The following SLC30A8 variants were observed in gnomAD, a reference collection of about 807,000 sequenced individuals.
SLC30A8 encodes solute carrier family 30 member 8, also known as proton-coupled zinc antiporter SLC30A8.
SLC30A8 carries 27 observed loss-of-function variants against 36.9 expected under a neutral mutation model. The ratio of observed to expected loss-of-function variants is 0.73; its 90% CI spans 0.54 to 1.01. The LOEUF (loss-of-function observed/expected upper bound fraction) is 1.01. Among genes scored for constraint, SLC30A8 ranks in the 50% least tolerant of loss-of-function variants. The pLI is 0.00. For synonymous variants in SLC30A8, 164 were observed against 172.4 expected (o/e 0.95, Z 0.38); for missense variants, 439 against 452.0 (o/e 0.97, Z 0.26).
At chr8:117,089,523 C>T (rs1819020672) in intron 2 of SLC30A8, among the ~76,000 whole-genome samples, 1 of 152,174 alleles carries the variant, frequency 6.6e-6, no homozygotes, top group Non-Finnish European at 1.5e-5. Context: ...TATGTTTGTA[C>T]TTTTTAATAT....
intron 1 of SLC30A8, among the ~76,000 whole-genome samples, chr8:116,996,664 A>G (rs1263870512): frequency 6.6e-6 from 1 of 152,084 alleles, no homozygotes; most frequent in Non-Finnish European, 1.5e-5. Flanking sequence ...CTTATAGGTC[A>G]TCACACATTT....
chr8:117,166,396 C>T (rs1823057444), intron 6 of SLC30A8, among the ~76,000 whole-genome samples: 1 of 152,068 alleles, frequency 6.6e-6, no homozygotes, highest in African/African-American at 2.4e-5. Flanking sequence ...TCTTACATTC[C>T]AGGAAAACAG....
intron 1 of SLC30A8, among the ~76,000 whole-genome samples, chr8:117,027,182 C>T (rs752734443): frequency 2.6e-5 from 4 of 152,040 alleles, no homozygotes; most frequent in East Asian, 1.9e-4. Context: ...ATGTGTTTGG[C>T]GACAGGGATA....
intron 2 of SLC30A8, among the ~76,000 whole-genome samples, chr8:117,094,085 G>C (rs1819254010): frequency 6.6e-6 from 1 of 152,250 alleles, no homozygotes; most frequent in Non-Finnish European, 1.5e-5. Context: ...GAGCCCCAAA[G>C]AGGGTGTCAC....
At chr8:117,130,357 C>T (rs1037506544), upstream of SLC30A8, 10 of 152,002 alleles carry the variant, frequency 6.6e-5, no homozygotes, top group Admixed American at 3.3e-4. Context: ...TCAGAGGAGA[C>T]GATGAGCTTT....
intron 2 of SLC30A8, among the ~76,000 whole-genome samples, chr8:117,114,739 C>G (rs985705637): frequency 2.0e-5 from 3 of 152,000 alleles, no homozygotes; most frequent in African/African-American, 7.2e-5. Flanking sequence ...GTTATGCTTC[C>G]CCAGCTATAA....
chr8:116,953,121 G>T (rs776915250), intron 1 of SLC30A8, among the ~76,000 whole-genome samples: 1 of 152,058 alleles, frequency 6.6e-6, no homozygotes, highest in Non-Finnish European at 1.5e-5. Flanking sequence ...GAGAACATGT[G>T]GTATTTGGTT....
At chr8:117,015,521 T>G (rs1301198859) in intron 1 of SLC30A8, among the ~76,000 whole-genome samples, 5 of 137,340 alleles carry the variant, frequency 3.6e-5, no homozygotes, top group Non-Finnish European at 7.7e-5. Flanking sequence ...AGTAATAAAT[T>G]AGATGCTATT....
At chr8:116,970,932 T>C (rs1483765625) in intron 1 of SLC30A8, among the ~76,000 whole-genome samples, 1 of 152,112 alleles carries the variant, frequency 6.6e-6, no homozygotes, top group East Asian at 1.9e-4. Flanking sequence ...CCGTCTCTAC[T>C]AAAAACACAA....
At chr8:116,992,938 G>A (rs570123783) in intron 1 of SLC30A8, among the ~76,000 whole-genome samples, 1 of 151,780 alleles carries the variant, frequency 6.6e-6, no homozygotes, top group African/African-American at 2.4e-5. Context: ...AGAATACAGA[G>A]CCTACGCAGA....
At chr8:117,124,488 AG>A (rs1669676318) in intron 2 of SLC30A8, among the ~76,000 whole-genome samples, 1 of 151,864 alleles carries the variant, frequency 6.6e-6, no homozygotes, top group African/African-American at 2.4e-5. Flanking sequence ...TTGCCACAGC[AG>A]GCAAAATCAG....
At chr8:117,065,543 A>C (rs1203759866) in intron 2 of SLC30A8, among the ~76,000 whole-genome samples, 1 of 151,984 alleles carries the variant, frequency 6.6e-6, no homozygotes, top group African/African-American at 2.4e-5. Context: ...GTGCAGTCAA[A>C]TTGCTCTGGC....
chr8:117,114,665 A>T (rs1820369720), intron 2 of SLC30A8, among the ~76,000 whole-genome samples: 1 of 152,008 alleles, frequency 6.6e-6, no homozygotes, highest in African/African-American at 2.4e-5. Flanking sequence ...CATCTAAGTG[A>T]GATTTAAGAG....
intron 1 of SLC30A8, among the ~76,000 whole-genome samples, chr8:117,028,712 A>G (rs1363262447): frequency 6.6e-6 from 1 of 152,064 alleles, no homozygotes; most frequent in Admixed American, 6.6e-5. Context: ...AGGATTACAT[A>G]TAATATACAT....
chr8:116,962,323 C>T lies in SLC30A8; in HGVS notation c.-266+11204C>T, dbSNP rs1451431066. Reference sequence around the variant, plus strand: ...AATAAGCACCAGTTTTCTGTGTAGGCCGATCCTAAGTTATGCCAAGAAAAG... The same window carrying T: ...AATAAGCACCAGTTTTCTGTGTAGGTCGATCCTAAGTTATGCCAAGAAAAG... On this transcript the variant is annotated intron_variant, in intron 1 of 10. Coordinates refer to the SLC30A8 transcript ENST00000427715. Among the ~76,000 whole-genome samples, 3 of 152,090 alleles carry T rather than the reference C, an allele frequency of 2.0e-5. No homozygotes were observed. In the East Asian group the frequency reaches 5.8e-4, roughly 29 times the overall value.
At chr8:117,166,493 T>C (rs1317410435) in intron 6 of SLC30A8, among the ~76,000 whole-genome samples, 1 of 152,160 alleles carries the variant, frequency 6.6e-6, no homozygotes, top group Non-Finnish European at 1.5e-5. Context: ...GTGGAGGGTT[T>C]ATTGAAACAC....
chr8:116,968,365 CTATAG>C (rs1402048088), intron 1 of SLC30A8, among the ~76,000 whole-genome samples: 1 of 149,524 alleles, frequency 6.7e-6, no homozygotes, highest in African/African-American at 2.4e-5. Flanking sequence ...TATAAATAAG[CTATAG>C]TATATTATAT....
intron 1 of SLC30A8, among the ~76,000 whole-genome samples, chr8:116,962,080 A>G (rs183268134): frequency 6.6e-6 from 1 of 152,162 alleles, no homozygotes; most frequent in Admixed American, 6.5e-5. Context: ...TAAGCTTTCT[A>G]GCAGCTAATA....
At chr8:116,953,352 A>T (rs973300456) in intron 1 of SLC30A8, among the ~76,000 whole-genome samples, 1 of 152,008 alleles carries the variant, frequency 6.6e-6, no homozygotes, top group Non-Finnish European at 1.5e-5. Context: ...TAATCCCTTT[A>T]TTCTTTCTAA....
Sources: gnomAD v4.1 joint callset for allele counts (sites outside exome capture counted in the v4.1 genomes callset) on GRCh38, gnomAD v4.1.1 for gene constraint, MANE v1.5 for transcripts, NCBI Gene and HGNC (gene_info 2026-07-23, HGNC 2026-07-21) for gene names.